Variants in DDX54 observed in about 807,000 individuals in gnomAD.
The protein encoded by DDX54 is DEAD-box helicase 54.
DDX54 carries 67 observed loss-of-function variants against 105.5 expected under a neutral mutation model. The observed-to-expected ratio is 0.64, with a 90% confidence interval of 0.52 to 0.78. The LOEUF is 0.78. Ranked by LOEUF, DDX54 falls within the 30% of genes least tolerant of loss-of-function variation. DDX54 has a pLI of 0.00. For missense variants in DDX54, 1,206 were observed against 1,230.5 expected (o/e 0.98, Z 0.30); for synonymous variants, 514 against 509.9 (o/e 1.01, Z -0.11).
intron 7 of DDX54, among the ~76,000 whole-genome samples, chr12:113,175,506 G>A (rs931099775): frequency 2.6e-5 from 4 of 152,194 alleles, no homozygotes; most frequent in Non-Finnish European, 5.9e-5. Flanking sequence ...AATTAGCTGG[G>A]GCCGGGCGCA....
chr12:113,172,326 C>A, intron 11 of DDX54, 27 bp downstream of exon 11: 2 of 1,605,780 alleles, frequency 1.2e-6, no homozygotes, highest in Non-Finnish European at 8.5e-7. Flanking sequence ...CCCCTGCCTG[C>A]CCCAGGGCCA....
chr12:113,180,082 T>C, intron 2 of DDX54, 77 bp from the exon 3 acceptor site: 1 of 1,350,872 alleles, frequency 7.4e-7, no homozygotes, highest in South Asian at 1.2e-5. Flanking sequence ...ACAGGACAAA[T>C]GACAGCTTCA....
rs201014565 is a variant in DDX54 at position 113,159,092 on chromosome 12, C to G, written c.2431G>C (p.Ala811Pro). 1.2e-6 allele frequency: 2 copies of G among 1,601,836 alleles called. No homozygotes were observed. Among genetic ancestry groups the G allele is most frequent in the African/African-American group, 2.7e-5 (2 of 74,824 alleles). Reference sequence around the variant, plus strand: ...ACTCGGCCTGCAGGGGTGCCTGGGGCGTGGGGCCGGGATGCACCTGCTGGG... The same window carrying G: ...ACTCGGCCTGCAGGGGTGCCTGGGGGGTGGGGCCGGGATGCACCTGCTGGG... ...DRGQGASRPHAPGTPAGRVRP... is the reference protein window; with the variant it reads ...DRGQGASRPHPPGTPAGRVRP... Residue 811 changes from alanine (A) to proline (P), a missense_variant, in exon 20 of 20, where the codon GCC becomes CCC. Physicochemically the swap from Ala to Pro is conservative, Grantham distance 27. Transcript: ENST00000306014.
rs35519289 is a variant in DDX54, at chr12:113,165,654, C to T, written c.1709G>A (p.Arg570His). 588 of 1,610,670 alleles carry T rather than the reference C, an allele frequency of 3.7e-4. No individual in the cohort carries two copies. Among genetic ancestry groups the T allele is most frequent in the Middle Eastern group, 2.0e-3 (12 of 6,018 alleles). ...LRLVDSIKNY[R>H]SRATIFEINA... ...CCCGGCCCCACTCACCGCCCGGGAG[C>T]GGTAGTTCTTTATGCTGTCCACCAG... The change falls in exon 14 of 20, where the codon CGC (arginine) becomes CAC (histidine). Residue 570 changes from arginine (R) to histidine (H), a missense_variant. By Grantham distance (29) the Arg-to-His change is conservative. Around this residue, in one of 3 missense-constraint regions of DDX54, gnomAD observed 961 missense variants for 1,019.1 expected, o/e 0.94. Coordinates refer to ENST00000306014, the MANE Select transcript of DDX54 (RefSeq NM_024072.4).
At chr12:113,159,383 T>C in intron 19 of DDX54, 1 of 471,472 alleles carries the variant, frequency 2.1e-6, no homozygotes, top group South Asian at 4.4e-5. Context: ...AGTTTCCCCA[T>C]CTATGAATTA....
Position 113,177,053 on chromosome 12 carries a change from T to C in DDX54, c.655A>G (p.Ile219Val). Residue 219 changes from isoleucine to valine, a missense_variant and splice_region_variant, in exon 6 of 20, where the codon ATA (isoleucine) becomes GTA (valine). Ile to Val is a conservative substitution (Grantham distance 29). Coordinates refer to ENST00000306014, the MANE Select transcript of DDX54 (RefSeq NM_024072.4). ...GTCATCCCCAATCCACAAACTCACATGTCGGGATTTTCGTGCAGGGCTGCA... is the reference window on the plus strand; with the variant it reads ...GTCATCCCCAATCCACAAACTCACACGTCGGGATTTTCGTGCAGGGCTGCA... ...QFAALHENPDIIIATPGRLVH... is the reference protein window; with the variant it reads ...QFAALHENPDVIIATPGRLVH... The C allele has an allele frequency of 6.2e-7, 1 of 1,614,034 alleles. No homozygotes were observed. Among genetic ancestry groups the C allele is most frequent in the Non-Finnish European group, 8.5e-7 (1 of 1,179,992 alleles).
In DDX54 at chr12:113,182,141, T is replaced by C. The variant is rs75713484; in HGVS notation, c.175-1083A>G. 2.8e-4 allele frequency among the ~76,000 whole-genome samples: 43 copies of C among 152,278 alleles called. No individual in the cohort carries two copies. The East Asian group carries it at 7.7e-3, about 27-fold the overall frequency. The stretch of plus-strand genomic sequence containing the variant: ...CAACAATCTGATGAAGTGGGTACTA[T>C]TGTTCTGTCCATTTTACAGAGAAGA... On this transcript the variant is annotated intron_variant, in intron 1 of 19. Coordinates refer to ENST00000306014, the MANE Select transcript of DDX54 (RefSeq NM_024072.4).
chr12:113,176,910 C>A lies in DDX54; in HGVS notation c.682G>T (p.Val228Leu). The A allele has an allele frequency of 6.2e-7, 1 of 1,614,222 alleles. No individual in the cohort carries two copies. Among genetic ancestry groups the A allele is most frequent in the Non-Finnish European group, 8.5e-7 (1 of 1,180,052 alleles). ...AGGCTCATTTCCACAGCCACATGCA[C>A]CAACCGTCCGGGCGTGGCAATAATT... The part of the protein sequence containing the change: ...DIIIATPGRL[V>L]HVAVEMSLKL... The change falls in exon 7 of 20, where the codon GTG (valine) becomes TTG (leucine). Residue 228 changes from valine (V) to leucine (L), a missense_variant. Physicochemically the swap from Val to Leu is conservative, Grantham distance 32. Coordinates refer to ENST00000306014, the MANE Select transcript of DDX54 (RefSeq NM_024072.4).
intron 5 of DDX54, among the ~76,000 whole-genome samples, chr12:113,177,874 G>C (rs760068871): frequency 6.6e-6 from 1 of 152,212 alleles, no homozygotes; most frequent in African/African-American, 2.4e-5. Context: ...TAGATGAACA[G>C]CAGGAGATAC....
At chr12:113,172,110 A>G (rs1425163452) in intron 11 of DDX54, among the ~76,000 whole-genome samples, 1 of 152,184 alleles carries the variant, frequency 6.6e-6, no homozygotes, top group East Asian at 1.9e-4. Flanking sequence ...CCATAAGCTG[A>G]ATAATTGGGT....
In DDX54 at chr12:113,163,083, G is replaced by T; in HGVS notation, c.2082-38C>A. 6.2e-7 allele frequency: 1 copy of T among 1,609,160 alleles called. No individual in the cohort carries two copies. On this transcript the variant is annotated intron_variant, in intron 16 of 19. Transcript: ENST00000306014. The surrounding 1 kb of genome is among the most constrained non-coding windows in gnomAD (Gnocchi z 5.9). ...AGTGGGAGACATAATTGGATTGATG[G>T]GACCCAGCGGACCCAACTGCCCCAC...
intron 14 of DDX54, among the ~76,000 whole-genome samples, chr12:113,165,206 T>C (rs756014861): frequency 1.3e-5 from 2 of 152,202 alleles, no homozygotes; most frequent in Non-Finnish European, 2.9e-5. Context: ...CACTCCTCAG[T>C]AGGTCTTTCC....
Position 113,172,536 on chromosome 12 carries a change from C to CTCT in DDX54, c.1095_1096insAGA (p.Cys365_Ala366insArg). On this transcript the variant is annotated inframe_insertion, in exon 11 of 20. Coordinates refer to ENST00000306014, the MANE Select transcript of DDX54 (RefSeq NM_024072.4). ...GGGTCTAGGGCACTGTAGATGTGGG[C>CTCT]GCAGCTCACCCGCTGGGTCGTCAGC... 1 of 1,614,152 alleles carries CTCT rather than the reference C, an allele frequency of 6.2e-7. No homozygotes were observed. The highest frequency in any genetic ancestry group is 8.5e-7 in the Non-Finnish European group (1 of 1,180,044).
intron 2 of DDX54, among the ~76,000 whole-genome samples, chr12:113,180,520 G>A (rs780153650): frequency 9.9e-5 from 15 of 152,110 alleles, no homozygotes; most frequent in Admixed American, 3.9e-4. Context: ...ATGAGTCATC[G>A]CACCCAGCAC....
At chr12:113,171,059 G>A (rs1319508204) in intron 11 of DDX54, among the ~76,000 whole-genome samples, 2 of 152,170 alleles carry the variant, frequency 1.3e-5, no homozygotes, top group Non-Finnish European at 2.9e-5. Context: ...CGGCACTGTT[G>A]GTCTTGTGAG....
At chr12:113,184,348 C>G (rs1174713548) in intron 1 of DDX54, among the ~76,000 whole-genome samples, 1 of 152,194 alleles carries the variant, frequency 6.6e-6, no homozygotes, top group African/African-American at 2.4e-5. Context: ...TCCCTAAGTG[C>G]TGGGTTTACA....
intron 2 of DDX54, among the ~76,000 whole-genome samples, chr12:113,180,668 C>T (rs1952455806): frequency 6.6e-6 from 1 of 152,216 alleles, no homozygotes; most frequent in Non-Finnish European, 1.5e-5. Context: ...AAATGTCCCT[C>T]TGCAGGCAAT....
intron 11 of DDX54, among the ~76,000 whole-genome samples, 188 bp downstream of exon 11, chr12:113,172,165 A>T: frequency 6.6e-6 from 1 of 151,602 alleles, no homozygotes; most frequent in Non-Finnish European, 1.5e-5. Flanking sequence ...TTGCTCCGTC[A>T]CCCAGGCTGG....
At chr12:113,171,940 C>G (rs1393271101) in intron 11 of DDX54, among the ~76,000 whole-genome samples, 2 of 152,168 alleles carry the variant, frequency 1.3e-5, no homozygotes, top group Admixed American at 1.3e-4. Context: ...CTGCCTTGAG[C>G]ATGCTCCAAA....
Sources: gnomAD v4.1 joint callset for allele counts (sites outside exome capture counted in the v4.1 genomes callset) on GRCh38, gnomAD v4.1.1 for gene constraint, gnomAD v4.1.1 regional missense constraint, Gnocchi (gnomAD v3.1) non-coding constraint, MANE v1.5 for transcripts, NCBI Gene and HGNC (gene_info 2026-07-23, HGNC 2026-07-21) for gene names.